Variants in NFYC observed in about 807,000 individuals in gnomAD.
NFYC encodes nuclear transcription factor Y subunit gamma.
Under a neutral mutation model 53.1 loss-of-function variants are expected in NFYC, and 25 were observed. The ratio of observed to expected loss-of-function variants is 0.47; its 90% CI spans 0.34 to 0.66. The LOEUF (loss-of-function observed/expected upper bound fraction) is 0.66, where lower values mean the gene tolerates loss of function less well. Among genes scored for constraint, NFYC ranks in the 30% least tolerant of loss-of-function variants. The pLI is 0.01. For missense variants in NFYC, 260 were observed against 422.7 expected (o/e 0.62, Z 3.38); for synonymous variants, 145 against 152.6 (o/e 0.95, Z 0.37).
chr1:40,751,209 A>G (rs1645894576), intron 4 of NFYC, among the ~76,000 whole-genome samples: 1 of 152,216 alleles, frequency 6.6e-6, no homozygotes, highest in Non-Finnish European at 1.5e-5. Flanking sequence ...AAAAGAAACA[A>G]ACCATTGCTC....
intron 4 of NFYC, 79 bp downstream of exon 4, chr1:40,749,765 G>A: frequency 8.6e-7 from 1 of 1,169,024 alleles, no homozygotes; most frequent in Non-Finnish European, 1.3e-6. Flanking sequence ...GTTGGAGAAA[G>A]ATTGTTCTCC....
At chr1:40,720,883 T>G (rs1440343709) in intron 1 of NFYC, among the ~76,000 whole-genome samples, 1 of 152,044 alleles carries the variant, frequency 6.6e-6, no homozygotes, top group Non-Finnish European at 1.5e-5. Context: ...AAAAAATTTT[T>G]TTTTAAGTTC....
chr1:40,733,904 C>T (rs1229021143), intron 1 of NFYC, among the ~76,000 whole-genome samples: 3 of 152,024 alleles, frequency 2.0e-5, no homozygotes, highest in Admixed American at 1.3e-4. Context: ...CCACCATGCT[C>T]GGCTAATGTA....
Position 40,735,438 on chromosome 1 carries a change from G to A in NFYC, c.-8-3398G>A, listed in dbSNP as rs567079493. 40 of 206,010 alleles carry A rather than the reference G, an allele frequency of 1.9e-4. 1 individual carries two copies. Among genetic ancestry groups the A allele is most frequent in the Admixed American group, 3.3e-4 (5 of 15,336 alleles). The allele number at this position is 206,010 out of a possible 1,614,324, so 12.8% of individuals were successfully genotyped here. ...ATCTGTTGACTACACAGATGTTTGC[G>A]GGCTGATCATGCCTGCACATCTGTA... On this transcript the variant is annotated intron_variant, in intron 1 of 9. Transcript: ENST00000447388.
At chr1:40,718,803 T>A (rs1228630056) in intron 1 of NFYC, among the ~76,000 whole-genome samples, 1 of 152,210 alleles carries the variant, frequency 6.6e-6, no homozygotes, top group East Asian at 1.9e-4. Flanking sequence ...GCTCCCACAT[T>A]TGGGTTCTCA....
chr1:40,742,343 T>C (rs1645394736), intron 2 of NFYC, among the ~76,000 whole-genome samples: 1 of 152,214 alleles, frequency 6.6e-6, no homozygotes, highest in Non-Finnish European at 1.5e-5. Context: ...TGCTGCTGTG[T>C]TACATGAGTG....
At position 40,691,811 on chromosome 1, in the gene NFYC, C is replaced by A; in HGVS notation, c.-65C>A. 1 of 445,432 alleles carries A rather than the reference C, an allele frequency of 2.2e-6. No individual in the cohort carries two copies. The highest frequency in any genetic ancestry group is 7.8e-5 in the East Asian group (1 of 12,876). 27.6% of individuals were successfully genotyped at this position (445,432 alleles called of 1,614,324 possible). On this transcript the variant is annotated 5_prime_UTR_variant, in exon 1 of 10. Coordinates refer to ENST00000447388, the MANE Select transcript of NFYC (RefSeq NM_014223.5). ...CCGCCGCGCCTGGGCCTCTGCATTG[C>A]CCGACTCCGTAGGAGCGCGGGGGCG...
chr1:40,736,763 G>T (rs990798269), intron 1 of NFYC, among the ~76,000 whole-genome samples: 4 of 134,946 alleles, frequency 3.0e-5, no homozygotes, highest in African/African-American at 1.1e-4. Context: ...GCTCATTTTC[G>T]ATTTTGGATT....
chr1:40,763,911 C>T (rs1012942196), intron 7 of NFYC, among the ~76,000 whole-genome samples: 2 of 152,168 alleles, frequency 1.3e-5, no homozygotes, highest in Non-Finnish European at 2.9e-5. Flanking sequence ...AAGAGGGAGG[C>T]GTATAGGGAA....
chr1:40,766,222 C>G, intron 7 of NFYC: 1 of 190,780 alleles, frequency 5.2e-6, no homozygotes. Flanking sequence ...GAAAGAGGCC[C>G]ACACTTAATG....
intron 1 of NFYC, among the ~76,000 whole-genome samples, chr1:40,722,990 T>G (rs148752490): frequency 1.3e-5 from 2 of 152,326 alleles, no homozygotes; most frequent in East Asian, 3.9e-4. Flanking sequence ...CTTTTGCATT[T>G]TGACTCATCA....
Position 40,770,935 on chromosome 1 carries a change from T to C in NFYC, c.*107T>C. 8.2e-7 allele frequency: 1 copy of C among 1,216,520 alleles called. No homozygotes were observed. The highest frequency in any genetic ancestry group is 1.2e-6 in the Non-Finnish European group (1 of 852,982). The allele number at this position is 1,216,520 out of a possible 1,614,324, so 75.4% of individuals were successfully genotyped here. A position where few individuals can be genotyped will look rare whatever the true frequency, so the allele number is the denominator to read the frequency against. On this transcript the variant is annotated 3_prime_UTR_variant, in exon 10 of 10. Transcript: ENST00000447388. The surrounding 1 kb of genome is among the most constrained non-coding windows in gnomAD (Gnocchi z 5.3). ...AGAGGACCCGGCCGACCTCAGCGCCTCCTGCAGGCTAGGACACTGGTGCAC... is the reference window on the plus strand; with the variant it reads ...AGAGGACCCGGCCGACCTCAGCGCCCCCTGCAGGCTAGGACACTGGTGCAC...
Position 40,719,028 on chromosome 1 carries a change from C to T in NFYC, c.-8-19808C>T, listed in dbSNP as rs534625146. On this transcript the variant is annotated intron_variant, in intron 1 of 9. Coordinates refer to ENST00000447388, the MANE Select transcript of NFYC (RefSeq NM_014223.5). ...CTGGGACTACAGATGTGCGCCACCACGCCCAGCTAATTTTTGTATTTTTAG... is the reference window on the plus strand; with the variant it reads ...CTGGGACTACAGATGTGCGCCACCATGCCCAGCTAATTTTTGTATTTTTAG... Among the ~76,000 whole-genome samples the T allele has an allele frequency of 5.9e-5, 9 of 152,228 alleles. No individual in the cohort carries two copies. In the South Asian group the frequency reaches 1.2e-3, roughly 21 times the overall value.
At chr1:40,732,443 A>G (rs1644816564) in intron 1 of NFYC, among the ~76,000 whole-genome samples, 1 of 152,230 alleles carries the variant, frequency 6.6e-6, no homozygotes. Context: ...TTTCCAAACA[A>G]TTTTAAAAGG....
At chr1:40,740,991 A>G (rs1645310586) in intron 2 of NFYC, among the ~76,000 whole-genome samples, 1 of 151,940 alleles carries the variant, frequency 6.6e-6, no homozygotes, top group Non-Finnish European at 1.5e-5. Flanking sequence ...TTTTAAATGT[A>G]CAGTTCAGAA....
intron 1 of NFYC, among the ~76,000 whole-genome samples, chr1:40,695,205 C>T (rs989243055): frequency 1.3e-5 from 2 of 152,084 alleles, no homozygotes; most frequent in African/African-American, 2.4e-5. Context: ...TGTCACTGCC[C>T]TCCAGTCTGG....
chr1:40,762,486 T>G (rs1159297701), intron 6 of NFYC, among the ~76,000 whole-genome samples: 1 of 152,234 alleles, frequency 6.6e-6, no homozygotes, highest in Non-Finnish European at 1.5e-5. Context: ...CCCTTTCCAT[T>G]TAATGTTCCC....
At chr1:40,697,375 T>G (rs1643205780) in intron 1 of NFYC, among the ~76,000 whole-genome samples, 1 of 152,194 alleles carries the variant, frequency 6.6e-6, no homozygotes, top group African/African-American at 2.4e-5. Flanking sequence ...TAACCTAATT[T>G]AGTTGTGCTG....
intron 5 of NFYC, among the ~76,000 whole-genome samples, chr1:40,753,805 T>A (rs1646048838): frequency 6.6e-6 from 1 of 152,180 alleles, no homozygotes; most frequent in Non-Finnish European, 1.5e-5. Flanking sequence ...CTTTTAAAAC[T>A]CCCTGGATGC....
Sources: gnomAD v4.1 joint callset for allele counts (sites outside exome capture counted in the v4.1 genomes callset) on GRCh38, gnomAD v4.1.1 for gene constraint, Gnocchi (gnomAD v3.1) non-coding constraint, MANE v1.5 for transcripts, NCBI Gene and HGNC (gene_info 2026-07-23, HGNC 2026-07-21) for gene names.